SEMA3C: variants seen among roughly 807,000 people sequenced by gnomAD.
SEMA3C encodes the protein semaphorin-3C.
SEMA3C carries 47 observed loss-of-function variants against 89.4 expected under a neutral mutation model. That is an observed-to-expected ratio of 0.53 (90% CI 0.42 to 0.67). The LOEUF (loss-of-function observed/expected upper bound fraction) is 0.67. Ranked by LOEUF, SEMA3C falls within the 30% of genes least tolerant of loss-of-function variation. The pLI is 0.00. For synonymous variants in SEMA3C, 310 were observed against 320.2 expected, an observed-to-expected ratio of 0.97 and a Z score of 0.34; for missense variants, 839 against 929.1, an observed-to-expected ratio of 0.90 and a Z score of 1.26.
chr7:80,916,175 G>T (rs1471044643), intron 2 of SEMA3C, among the ~76,000 whole-genome samples: 1 of 152,120 alleles, frequency 6.6e-6, no homozygotes, highest in Non-Finnish European at 1.5e-5. Flanking sequence ...TTAATTAGGG[G>T]ACTATGCCAA....
At chr7:80,919,220 C>G, upstream of SEMA3C, 6 of 985,132 alleles carry the variant, frequency 6.1e-6, no homozygotes, top group Non-Finnish European at 7.2e-6. Context: ...AGCGCGCCCG[C>G]GAGAGCCTGG....
chr7:80,910,143 G>A (rs1792109789), intron 2 of SEMA3C, among the ~76,000 whole-genome samples: 1 of 152,108 alleles, frequency 6.6e-6, no homozygotes, highest in Non-Finnish European at 1.5e-5. Flanking sequence ...TTGTCTTCTA[G>A]TCTTGTCAAT....
At chr7:80,790,666 T>C (rs1276478114) in intron 11 of SEMA3C, among the ~76,000 whole-genome samples, 2 of 152,186 alleles carry the variant, frequency 1.3e-5, no homozygotes, top group Non-Finnish European at 2.9e-5. Context: ...AGTTCAAAAG[T>C]TGCTTCTTGA....
chr7:80,887,804 A>G (rs771518458), intron 2 of SEMA3C, among the ~76,000 whole-genome samples: 1 of 152,200 alleles, frequency 6.6e-6, no homozygotes, highest in Non-Finnish European at 1.5e-5. Context: ...CAACTCTTTA[A>G]GGCAATATTC....
intron 2 of SEMA3C, among the ~76,000 whole-genome samples, chr7:80,850,788 G>T (rs984754482): frequency 6.6e-6 from 1 of 152,164 alleles, no homozygotes; most frequent in African/African-American, 2.4e-5. Context: ...AAAAGAAAGA[G>T]TATTAAATCG....
chr7:80,835,474 T>C (rs571070128), intron 2 of SEMA3C, among the ~76,000 whole-genome samples: 67 of 152,310 alleles, frequency 4.4e-4, no homozygotes, highest in African/African-American at 1.6e-3. Flanking sequence ...TAATTTCCTC[T>C]TTTGAATGTC....
chr7:80,814,775 C>A (rs910258406), intron 5 of SEMA3C, among the ~76,000 whole-genome samples: 2 of 152,122 alleles, frequency 1.3e-5, no homozygotes, highest in Non-Finnish European at 2.9e-5. Flanking sequence ...TATATCATTT[C>A]CTTTTCCTTA....
At chr7:80,918,800 A>C (rs1209562640) in intron 1 of SEMA3C, 28 bp downstream of exon 1, 1 of 984,676 alleles carries the variant, frequency 1.0e-6, no homozygotes, top group African/African-American at 1.7e-5. Context: ...CTAAATCTGT[A>C]ATGCGGAAAA....
intron 15 of SEMA3C, among the ~76,000 whole-genome samples, chr7:80,754,964 T>TTTTGCTTTTTTTGTTTTTTG (rs765917535): frequency 7.7e-6 from 1 of 129,148 alleles, no homozygotes; most frequent in East Asian, 2.2e-4. Context: ...TTTGTTTTTT[T>TTTTGCTTTTTTTGTTTTTTG]TTTTTTTGTA....
At chr7:80,796,180 T>C (rs925713114) in intron 11 of SEMA3C, among the ~76,000 whole-genome samples, 4 of 152,206 alleles carry the variant, frequency 2.6e-5, no homozygotes, top group African/African-American at 9.6e-5. Context: ...TAATTTTCCA[T>C]ATTAAGATGA....
At chr7:80,883,936 A>C in intron 2 of SEMA3C, among the ~76,000 whole-genome samples, 1 of 152,330 alleles carries the variant, frequency 6.6e-6, no homozygotes, top group East Asian at 1.9e-4. Context: ...CTGAACTAAG[A>C]GTGAGGCACT....
intron 2 of SEMA3C, among the ~76,000 whole-genome samples, chr7:80,865,973 C>G (rs192019170): frequency 6.6e-6 from 1 of 152,016 alleles, no homozygotes; most frequent in African/African-American, 2.4e-5. Flanking sequence ...AGAGGATGTA[C>G]CATAGTTTTC....
At chr7:80,908,299 C>T (rs1792060912) in intron 2 of SEMA3C, among the ~76,000 whole-genome samples, 1 of 152,186 alleles carries the variant, frequency 6.6e-6, no homozygotes, top group Non-Finnish European at 1.5e-5. Context: ...GTTGTGTTCA[C>T]TATCAAATTT....
intron 4 of SEMA3C, among the ~76,000 whole-genome samples, chr7:80,825,845 A>C (rs1789859450): frequency 6.6e-6 from 1 of 152,194 alleles, no homozygotes; most frequent in Non-Finnish European, 1.5e-5. Context: ...AATAATAAGG[A>C]ACAAAACATC....
At chr7:80,863,526 G>T (rs1208681489) in intron 2 of SEMA3C, among the ~76,000 whole-genome samples, 3 of 151,632 alleles carry the variant, frequency 2.0e-5, no homozygotes, top group South Asian at 4.2e-4. Context: ...AGGAGGAAAA[G>T]AATTCGTTAT....
At chr7:80,795,469 C>CT (rs1789040116) in intron 11 of SEMA3C, among the ~76,000 whole-genome samples, 2 of 152,226 alleles carry the variant, frequency 1.3e-5, no homozygotes, top group South Asian at 4.1e-4. Flanking sequence ...TGACTACTCC[C>CT]TTTTTTCACG....
chr7:80,827,392 GT>G (rs36066966), intron 4 of SEMA3C, 32 bp downstream of exon 4: 162,479 of 1,218,262 alleles, frequency 0.13, 1,322 homozygotes, highest in African/African-American at 0.16. Flanking sequence ...TTAAGTTAGT[GT>G]TTTTTTTTTT....
At chr7:80,754,570 T>C (rs1249163916) in intron 15 of SEMA3C, among the ~76,000 whole-genome samples, 1 of 152,204 alleles carries the variant, frequency 6.6e-6, no homozygotes, top group Non-Finnish European at 1.5e-5. Flanking sequence ...CTAACATGTT[T>C]TGTATTTACT....
intron 2 of SEMA3C, among the ~76,000 whole-genome samples, chr7:80,901,524 T>C (rs1791880098): frequency 1.3e-5 from 2 of 152,226 alleles, no homozygotes; most frequent in African/African-American, 4.8e-5. Flanking sequence ...TTGCAAAACT[T>C]ACCGCCAAGT....
Sources: allele counts gnomAD v4.1 joint callset (sites outside exome capture counted in the v4.1 genomes callset), GRCh38; gene constraint gnomAD v4.1.1; transcripts MANE v1.5; gene names NCBI Gene and HGNC (gene_info 2026-07-23, HGNC 2026-07-21).